Variants in SDK1 observed in about 807,000 individuals in gnomAD.
The protein encoded by SDK1 is protein sidekick-1.
SDK1 carries 157 observed loss-of-function variants against 245.5 expected under a neutral mutation model. That is an observed-to-expected ratio of 0.64 (90% CI 0.56 to 0.73). The LOEUF (loss-of-function observed/expected upper bound fraction) is 0.73. Ranked by LOEUF, SDK1 falls within the 30% of genes least tolerant of loss-of-function variation. The pLI, the probability that SDK1 is intolerant of heterozygous loss-of-function variation, is 0.00. For missense variants in SDK1, 3,583 were observed against 3,002.3 expected, an observed-to-expected ratio of 1.19 and a Z score of -4.52; for synonymous variants, 1,647 against 1,278.5, an observed-to-expected ratio of 1.29 and a Z score of -6.15.
At chr7:3,729,577 G>A (rs374708963) in intron 4 of SDK1, among the ~76,000 whole-genome samples, 6 of 152,150 alleles carry the variant, frequency 3.9e-5, no homozygotes, top group East Asian at 1.9e-4. Context: ...GATATGGGAA[G>A]GTTAATTGGT....
chr7:3,535,400 G>A (rs1269485611), intron 1 of SDK1, among the ~76,000 whole-genome samples: 2 of 152,068 alleles, frequency 1.3e-5, no homozygotes, highest in Non-Finnish European at 2.9e-5. Context: ...ACCTTCAAAA[G>A]TTTATAGCTC....
At chr7:4,095,071 C>T (rs116614952) in intron 22 of SDK1, among the ~76,000 whole-genome samples, 1 of 152,174 alleles carries the variant, frequency 6.6e-6, no homozygotes, top group Non-Finnish European at 1.5e-5. Flanking sequence ...AAATTTAGAA[C>T]AAACAGCAGA....
intron 19 of SDK1, among the ~76,000 whole-genome samples, chr7:4,052,292 C>G (rs1778914114): frequency 6.6e-6 from 1 of 151,784 alleles, no homozygotes; most frequent in Non-Finnish European, 1.5e-5. Flanking sequence ...CGAAGCCACT[C>G]CTTCTCTGCT....
intron 5 of SDK1, among the ~76,000 whole-genome samples, chr7:3,880,402 C>T (rs903956371): frequency 5.9e-5 from 9 of 152,286 alleles, no homozygotes; most frequent in Middle Eastern, 3.4e-3. Context: ...AGAACCAGCA[C>T]GGGGCGGGGG....
intron 30 of SDK1, among the ~76,000 whole-genome samples, chr7:4,152,600 G>T (rs1331494756): frequency 6.6e-6 from 1 of 152,180 alleles, no homozygotes; most frequent in Non-Finnish European, 1.5e-5. Flanking sequence ...GTTTAATTTG[G>T]TATAGGAGAG....
At chr7:3,561,925 C>G (rs758908459) in intron 1 of SDK1, among the ~76,000 whole-genome samples, 1 of 152,160 alleles carries the variant, frequency 6.6e-6, no homozygotes, top group East Asian at 1.9e-4. Context: ...TTCAAATGCA[C>G]ATTTGCTTTC....
intron 1 of SDK1, among the ~76,000 whole-genome samples, chr7:3,544,575 G>A (rs1172837757): frequency 2.0e-5 from 3 of 152,212 alleles, no homozygotes; most frequent in African/African-American, 7.2e-5. Flanking sequence ...AAATGTCATT[G>A]ATTCTAGATT....
intron 14 of SDK1, among the ~76,000 whole-genome samples, chr7:3,991,274 G>A (rs956283609): frequency 8.5e-5 from 13 of 152,150 alleles, no homozygotes; most frequent in Admixed American, 3.3e-4. Flanking sequence ...GGGCTGGGGC[G>A]TTGCTGGCGG....
In SDK1 at chr7:3,347,277, A is replaced by ATCT. The variant is rs1322064912; in HGVS notation, c.298+45398_298+45400dup. On this transcript the variant is annotated intron_variant, in intron 1 of 44. Coordinates refer to ENST00000404826, the MANE Select transcript of SDK1 (RefSeq NM_152744.4). ...AGTACTCTGACAACACTTGGCACAT[A>ATCT]TCTTCTTATACTCTTTTGTATATGG... Among the ~76,000 whole-genome samples the ATCT allele has an allele frequency of 6.6e-5, 10 of 152,054 alleles. 1 individual carries two copies. Among genetic ancestry groups the ATCT allele is most frequent in the Middle Eastern group, 6.8e-3 (2 of 294 alleles).
At chr7:3,924,280 G>C (rs917777657) in intron 5 of SDK1, among the ~76,000 whole-genome samples, 6 of 152,096 alleles carry the variant, frequency 3.9e-5, no homozygotes, top group African/African-American at 1.2e-4. Context: ...AGTTAGGATG[G>C]CTCAGTTCAT....
chr7:3,639,360 C>G (rs532139298), intron 3 of SDK1, among the ~76,000 whole-genome samples: 1 of 152,094 alleles, frequency 6.6e-6, no homozygotes, highest in Non-Finnish European at 1.5e-5. Context: ...CTGGGGAGGA[C>G]GAAAAAGTGA....
intron 1 of SDK1, among the ~76,000 whole-genome samples, chr7:3,442,685 T>G (rs749282080): frequency 2.6e-5 from 4 of 152,192 alleles, no homozygotes; most frequent in Non-Finnish European, 5.9e-5. Flanking sequence ...CATGGGGAAA[T>G]TAAAAGTGAG....
intron 13 of SDK1, among the ~76,000 whole-genome samples, chr7:3,986,689 C>T (rs947282406): frequency 4.6e-5 from 7 of 151,992 alleles, no homozygotes; most frequent in Non-Finnish European, 1.0e-4. Context: ...TGTGAAACCC[C>T]ATCTCTACTA....
chr7:3,861,136 A>T (rs544165829), intron 5 of SDK1, among the ~76,000 whole-genome samples: 4 of 152,310 alleles, frequency 2.6e-5, no homozygotes, highest in Non-Finnish European at 5.9e-5. Flanking sequence ...TCACAGGGAG[A>T]CACGCGTAAG....
chr7:3,945,760 G>A (rs375487016), intron 5 of SDK1, among the ~76,000 whole-genome samples: 30 of 151,694 alleles, frequency 2.0e-4, no homozygotes, highest in East Asian at 1.6e-3. Context: ...TAAGCCAGGC[G>A]TGATGGCAGG....
chr7:3,702,137 A>C (rs1166514653), intron 4 of SDK1, among the ~76,000 whole-genome samples: 1 of 152,204 alleles, frequency 6.6e-6, no homozygotes, highest in Non-Finnish European at 1.5e-5. Context: ...AAATTCAATA[A>C]GTTGGAATTC....
intron 1 of SDK1, among the ~76,000 whole-genome samples, chr7:3,581,235 C>G (rs376644603): frequency 4.6e-5 from 7 of 152,120 alleles, no homozygotes; most frequent in African/African-American, 1.2e-4. Context: ...TATCCAGTGT[C>G]TATAAGGAAC....
intron 22 of SDK1, among the ~76,000 whole-genome samples, chr7:4,081,876 A>G (rs1272832801): frequency 6.6e-6 from 1 of 152,176 alleles, no homozygotes; most frequent in Admixed American, 6.5e-5. Flanking sequence ...TTTGAAGCAT[A>G]TTTCAGACCA....
At chr7:3,793,890 C>A (rs1778892596) in intron 4 of SDK1, among the ~76,000 whole-genome samples, 1 of 152,096 alleles carries the variant, frequency 6.6e-6, no homozygotes, top group South Asian at 2.1e-4. Flanking sequence ...CTGATGAGGA[C>A]CTCATTGGTG....
Sources: gnomAD v4.1 joint callset for allele counts (sites outside exome capture counted in the v4.1 genomes callset) on GRCh38, gnomAD v4.1.1 for gene constraint, MANE v1.5 for transcripts, NCBI Gene and HGNC (gene_info 2026-07-23, HGNC 2026-07-21) for gene names.